Variants in RAPGEF4 observed in about 807,000 individuals in gnomAD.
The protein encoded by RAPGEF4 is RAP guanine-nucleotide-exchange factor (GEF) 4.
In RAPGEF4, 66 loss-of-function variants were observed where a neutral mutation model predicts 147.9. The ratio of observed to expected loss-of-function variants is 0.45; its 90% CI spans 0.37 to 0.55. The LOEUF is 0.55. RAPGEF4 is among the 20% of genes least tolerant of loss of function. The probability of loss-of-function intolerance (pLI) is 0.00; values close to 1 mark genes in which losing one functional copy is unlikely to be tolerated. For missense variants in RAPGEF4, 1,071 were observed against 1,257.3 expected (o/e 0.85, Z 2.24); for synonymous variants, 419 against 442.7 (o/e 0.95, Z 0.67).
At chr2:172,814,687 A>G in intron 4 of RAPGEF4, 1 of 459,734 alleles carries the variant, frequency 2.2e-6, no homozygotes, top group Non-Finnish European at 4.0e-6. Flanking sequence ...ATGACCATAG[A>G]GTGTTTTATG....
At chr2:173,024,409 G>A (rs1696450159) in intron 23 of RAPGEF4, among the ~76,000 whole-genome samples, 1 of 143,716 alleles carries the variant, frequency 7.0e-6, no homozygotes, top group Admixed American at 7.3e-5. Flanking sequence ...AGTAGAGACG[G>A]GGTTTCACCG....
chr2:172,813,401 A>T (rs1006009525), intron 3 of RAPGEF4, among the ~76,000 whole-genome samples: 9 of 152,190 alleles, frequency 5.9e-5, no homozygotes, highest in Non-Finnish European at 1.2e-4. Context: ...TTTTTTTGGT[A>T]CACCTTAAGA....
intron 3 of RAPGEF4, among the ~76,000 whole-genome samples, chr2:172,801,767 G>A (rs961904890): frequency 1.3e-5 from 2 of 152,122 alleles, no homozygotes; most frequent in African/African-American, 4.8e-5. Flanking sequence ...AGAGAGGTGG[G>A]GAGCTGAGCC....
intron 1 of RAPGEF4, among the ~76,000 whole-genome samples, chr2:172,780,326 G>A (rs528046027): frequency 1.3e-5 from 2 of 152,274 alleles, no homozygotes; most frequent in South Asian, 2.1e-4. Context: ...CATTTTAGAC[G>A]AGACAAAGGA....
At chr2:172,883,044 G>A (rs1696794707) in intron 4 of RAPGEF4, among the ~76,000 whole-genome samples, 1 of 152,042 alleles carries the variant, frequency 6.6e-6, no homozygotes, top group Non-Finnish European at 1.5e-5. Flanking sequence ...AGATGAGCAG[G>A]AACATGGTCA....
At chr2:172,780,049 A>G (rs2149508381) in intron 1 of RAPGEF4, among the ~76,000 whole-genome samples, 1 of 152,288 alleles carries the variant, frequency 6.6e-6, no homozygotes, top group South Asian at 2.1e-4. Context: ...AAATGACGGC[A>G]TGTTACACAC....
At chr2:172,752,022 G>A (rs1348536141) in intron 1 of RAPGEF4, among the ~76,000 whole-genome samples, 2 of 152,282 alleles carry the variant, frequency 1.3e-5, no homozygotes, top group Non-Finnish European at 2.9e-5. Context: ...TCAGGAAAAA[G>A]AAAGCTACAC....
chr2:173,011,655 T>A (rs1224915321), intron 17 of RAPGEF4, among the ~76,000 whole-genome samples: 1 of 152,268 alleles, frequency 6.6e-6, no homozygotes, highest in African/African-American at 2.4e-5. Context: ...ACTGTGCCCA[T>A]TGTATCACCA....
chr2:172,847,532 C>T (rs937850162), intron 4 of RAPGEF4, among the ~76,000 whole-genome samples: 4 of 152,098 alleles, frequency 2.6e-5, no homozygotes, highest in South Asian at 2.1e-4. Context: ...GGGGACAGGA[C>T]GCATCGTGTG....
intron 3 of RAPGEF4, among the ~76,000 whole-genome samples, chr2:172,798,728 G>T (rs970813648): frequency 6.6e-6 from 1 of 150,554 alleles, no homozygotes; most frequent in Non-Finnish European, 1.5e-5. Flanking sequence ...ACTTGTATGT[G>T]TATTGAAGTT....
intron 3 of RAPGEF4, among the ~76,000 whole-genome samples, chr2:172,798,367 G>A (rs1321462133): frequency 6.6e-6 from 1 of 152,106 alleles, no homozygotes; most frequent in African/African-American, 2.4e-5. Context: ...CTCTTGCTCT[G>A]TCATTAAGAC....
intron 3 of RAPGEF4, among the ~76,000 whole-genome samples, chr2:172,808,657 T>C (rs1243755281): frequency 2.0e-5 from 3 of 152,202 alleles, no homozygotes; most frequent in Non-Finnish European, 4.4e-5. Flanking sequence ...GGACTCTGTG[T>C]ATTACTTTAT....
At chr2:172,999,916 T>G (rs919897014) in intron 16 of RAPGEF4, among the ~76,000 whole-genome samples, 3 of 152,186 alleles carry the variant, frequency 2.0e-5, no homozygotes, top group African/African-American at 7.2e-5. Flanking sequence ...TTGGCCATGT[T>G]AACTGACTCC....
intron 26 of RAPGEF4, among the ~76,000 whole-genome samples, chr2:173,030,589 T>A (rs1340441828): frequency 6.6e-6 from 1 of 152,246 alleles, no homozygotes; most frequent in Non-Finnish European, 1.5e-5. Context: ...TAGATTGTAT[T>A]GTTTTCTGAA....
intron 4 of RAPGEF4, among the ~76,000 whole-genome samples, chr2:172,887,636 A>G (rs889650003): frequency 6.6e-6 from 1 of 152,216 alleles, no homozygotes; most frequent in Non-Finnish European, 1.5e-5. Flanking sequence ...TATGGGCTAC[A>G]AAGCCCAAGA....
chr2:172,848,137 A>G (rs1282895779), intron 4 of RAPGEF4, among the ~76,000 whole-genome samples: 1 of 152,152 alleles, frequency 6.6e-6, no homozygotes, highest in Non-Finnish European at 1.5e-5. Flanking sequence ...TAGCAATTTT[A>G]CCACTTAAAA....
chr2:172,814,203 A>G, intron 3 of RAPGEF4, 76 bp from the exon 4 acceptor site: 1 of 1,436,662 alleles, frequency 7.0e-7, no homozygotes, highest in Non-Finnish European at 9.8e-7. Context: ...TACAAATTAT[A>G]CTGCAGTTAA....
intron 4 of RAPGEF4, among the ~76,000 whole-genome samples, chr2:172,856,289 G>A (rs1206373825): frequency 6.6e-6 from 1 of 151,978 alleles, no homozygotes; most frequent in Admixed American, 6.5e-5. Flanking sequence ...TTTAGTTCTA[G>A]AATTTTCACT....
intron 15 of RAPGEF4, among the ~76,000 whole-genome samples, chr2:172,994,392 C>G (rs922009760): frequency 6.6e-6 from 1 of 152,182 alleles, no homozygotes; most frequent in African/African-American, 2.4e-5. Context: ...GAAACTCATG[C>G]TTGTTCTCTG....
Sources: allele counts gnomAD v4.1 joint callset (sites outside exome capture counted in the v4.1 genomes callset), GRCh38; gene constraint gnomAD v4.1.1; transcripts MANE v1.5; gene names NCBI Gene and HGNC (gene_info 2026-07-23, HGNC 2026-07-21).